Variants in GIPC3 observed in about 807,000 individuals in gnomAD.
GIPC3 encodes the protein GIPC PDZ domain containing family member 3.
GIPC3 carries 16 observed loss-of-function variants against 27.3 expected under a neutral mutation model. The observed-to-expected ratio is 0.59, with a 90% CI of 0.40 to 0.89. The LOEUF is 0.89. GIPC3 is among the 40% of genes least tolerant of loss of function. The pLI, the probability that GIPC3 is intolerant of heterozygous loss-of-function variation, is 0.00. For missense variants in GIPC3, 440 were observed against 442.1 expected (o/e 1.00, Z 0.04); for synonymous variants, 194 against 184.6 (o/e 1.05, Z -0.41).
In GIPC3 at chr19:3,591,474, C is replaced by T; in HGVS notation, c.*1284C>T. 2 of 1,232,548 alleles carry T rather than the reference C, an allele frequency of 1.6e-6. No individual in the cohort carries two copies. The highest frequency in any genetic ancestry group is 2.0e-6 in the Non-Finnish European group (2 of 988,390). 76.4% of individuals were successfully genotyped at this position (1,232,548 alleles called of 1,614,324 possible). A position where few individuals can be genotyped will look rare whatever the true frequency, so the allele number is the denominator to read the frequency against. ...TCTGGACAGCTCCACGATGCAGCCACACCTGGACACTCGGTCTAGCTCCGG... is the reference window on the plus strand; with the variant it reads ...TCTGGACAGCTCCACGATGCAGCCATACCTGGACACTCGGTCTAGCTCCGG... On this transcript the variant is annotated 3_prime_UTR_variant, in exon 6 of 6. Coordinates refer to ENST00000644452, the MANE Select transcript of GIPC3 (RefSeq NM_133261.3).
In GIPC3 at chr19:3,591,638, C is replaced by T; in HGVS notation, c.*1448C>T. The T allele has an allele frequency of 1.6e-6, 2 of 1,233,726 alleles. No individual in the cohort carries two copies. Among genetic ancestry groups the T allele is most frequent in the Non-Finnish European group, 2.0e-6 (2 of 989,314 alleles). 76.4% of individuals were successfully genotyped at this position (1,233,726 alleles called of 1,614,324 possible). ...AGACCAGCTCAGAAACCCAGGTCCA[C>T]ACGGCTGCCCAGTCCAGATCCCAAC... is the stretch of plus-strand genomic sequence containing the variant. On this transcript the variant is annotated 3_prime_UTR_variant, in exon 6 of 6. Transcript: ENST00000644452.
chr19:3,592,255 G>A lies in GIPC3; in HGVS notation c.*2065G>A. 1 of 1,232,180 alleles carries A rather than the reference G, an allele frequency of 8.1e-7. No individual in the cohort carries two copies. The highest frequency in any genetic ancestry group is 1.0e-6 in the Non-Finnish European group (1 of 988,066). 76.3% of individuals were successfully genotyped at this position (1,232,180 alleles called of 1,614,324 possible). A position where few individuals can be genotyped will look rare whatever the true frequency, so the allele number is the denominator to read the frequency against. On this transcript the variant is annotated 3_prime_UTR_variant, in exon 6 of 6. Coordinates refer to ENST00000644452, the MANE Select transcript of GIPC3 (RefSeq NM_133261.3). Reference sequence around the variant, plus strand: ...GCCTCTAAAACCCTGCCAGGTTCTAGATACCAGCTCCAGACCACAGCCCCA... The same window carrying A: ...GCCTCTAAAACCCTGCCAGGTTCTAAATACCAGCTCCAGACCACAGCCCCA...
intron 1 of GIPC3, 81 bp from the exon 2 acceptor site, chr19:3,586,414 G>C: frequency 7.7e-7 from 1 of 1,299,904 alleles, no homozygotes; most frequent in South Asian, 1.2e-5. Context: ...GGTCGCTGGG[G>C]GCAGGGGCCT....
At position 3,590,296 on chromosome 19, in the gene GIPC3, C is replaced by T. The variant is rs2032463652; in HGVS notation, c.*106C>T. On this transcript the variant is annotated 3_prime_UTR_variant, in exon 6 of 6. Coordinates refer to ENST00000644452, the MANE Select transcript of GIPC3 (RefSeq NM_133261.3). The stretch of plus-strand genomic sequence containing the variant: ...TCGGAGGACAAGTTCCTCTCTAGAA[C>T]CCAATCCAATTTGGAGCCCCAGCCC... 5.4e-6 allele frequency: 8 copies of T among 1,478,130 alleles called. No individual in the cohort carries two copies. The South Asian group carries it at 9.4e-5, about 17-fold the overall frequency. The allele number at this position is 1,478,130 out of a possible 1,614,324, so 91.6% of individuals were successfully genotyped here.
intron 3 of GIPC3, among the ~76,000 whole-genome samples, chr19:3,588,250 G>A (rs991544970): frequency 7.2e-5 from 11 of 151,782 alleles, no homozygotes; most frequent in African/African-American, 1.5e-4. Context: ...TGATCTGCCC[G>A]CCTCGGCCTC....
rs771115836 is a variant in GIPC3 at position 3,589,568 on chromosome 19, G to A, written c.705+13G>A. 23 of 1,600,148 alleles carry A rather than the reference G, an allele frequency of 1.4e-5. No individual in the cohort carries two copies. In the Admixed American group the frequency reaches 3.0e-4, roughly 21 times the overall value. On this transcript the variant is annotated intron_variant, in intron 4 of 5. Coordinates refer to ENST00000644452, the MANE Select transcript of GIPC3 (RefSeq NM_133261.3). ...AGTGGAGGAAGCGGTGAGTGAAGGG[G>A]AGGGGCTCTCCCCAGGCTTCTGCAC... is the stretch of plus-strand genomic sequence containing the variant.
intron 3 of GIPC3, among the ~76,000 whole-genome samples, chr19:3,588,652 A>AC (rs1165683424): frequency 5.3e-5 from 8 of 151,510 alleles, no homozygotes; most frequent in African/African-American, 1.9e-4. Context: ...AAAAAAAAAA[A>AC]AAAAAAACCT....
In GIPC3 at chr19:3,585,621, G is replaced by C. The variant is rs1228449669; in HGVS notation, c.24G>C (p.Glu8Asp). The change falls in exon 1 of 6, where the codon GAG becomes GAC. Residue 8 changes from glutamate (E) to aspartate (D), a missense_variant. By Grantham distance (45) the Glu-to-Asp change is conservative. Transcript: ENST00000644452. ...CCATGGAGGGAGCAGCGGCCCGGGA[G>C]GCCCGGGGGACCGAGACCCCGCGCG... The part of the protein sequence containing the change: MEGAAAR[E>D]ARGTETPRAS... 8.6e-7 allele frequency: 1 copy of C among 1,168,288 alleles called. No individual in the cohort carries two copies. The highest frequency in any genetic ancestry group is 1.6e-5 in the African/African-American group (1 of 61,732). The allele number at this position is 1,168,288 out of a possible 1,614,324, so 72.4% of individuals were successfully genotyped here. A position where few individuals can be genotyped will look rare whatever the true frequency, so the allele number is the denominator to read the frequency against.
In GIPC3 at chr19:3,592,314, C is replaced by T. The variant is rs746238944; in HGVS notation, c.*2124C>T. ...TGGTATTCAACTGGACTTTGGGAAG[C>T]AGAGCAGTTCTGAAAGTCAGCTTAG... On this transcript the variant is annotated 3_prime_UTR_variant, in exon 6 of 6. Transcript: ENST00000644452. 8.4e-5 allele frequency: 103 copies of T among 1,231,968 alleles called. No homozygotes were observed. Among genetic ancestry groups the T allele is most frequent in the Non-Finnish European group, 9.9e-5 (98 of 987,980 alleles). 76.3% of individuals were successfully genotyped at this position (1,231,968 alleles called of 1,614,324 possible). A position where few individuals can be genotyped will look rare whatever the true frequency, so the allele number is the denominator to read the frequency against.
At position 3,589,924 on chromosome 19, in the gene GIPC3, G is replaced by C; in HGVS notation, c.787+12G>C. 6.2e-7 allele frequency: 1 copy of C among 1,613,796 alleles called. No homozygotes were observed. Among genetic ancestry groups the C allele is most frequent in the Non-Finnish European group, 8.5e-7 (1 of 1,180,018 alleles). Reference sequence around the variant, plus strand: ...GGACCCCGAGCTGGGTAAGGGGCCAGGGTAAGCCAGGGGGCCCTGGGGGGA... The same window carrying C: ...GGACCCCGAGCTGGGTAAGGGGCCACGGTAAGCCAGGGGGCCCTGGGGGGA... On this transcript the variant is annotated intron_variant, in intron 5 of 5. Coordinates refer to ENST00000644452, the MANE Select transcript of GIPC3 (RefSeq NM_133261.3).
rs776707479 is a variant in GIPC3 at position 3,586,517 on chromosome 19, G to A, written c.248G>A (p.Ser83Asn). 7.4e-6 allele frequency: 12 copies of A among 1,613,826 alleles called. No homozygotes were observed. The Admixed American group carries it at 1.7e-4, about 22-fold the overall frequency. Residue 83 changes from serine (S) to asparagine (N), a missense_variant, in exon 2 of 6, where the codon AGC becomes AAC. Ser to Asn is a conservative substitution (Grantham distance 46). Coordinates refer to ENST00000644452, the MANE Select transcript of GIPC3 (RefSeq NM_133261.3). ...AAGATTTTATTCTGCACCCTCAACA[G>A]CCACAAAGTGGACATGCAGAAGCTC... ...PTEILFCTLN[S>N]HKVDMQKLLG...
In GIPC3 at chr19:3,585,754, G is replaced by C. The variant is rs374498818; in HGVS notation, c.157G>C (p.Glu53Gln). 7 of 1,546,074 alleles carry C rather than the reference G, an allele frequency of 4.5e-6. No homozygotes were observed. The highest frequency in any genetic ancestry group is 5.2e-6 in the Non-Finnish European group (6 of 1,145,540). ...GCACGGGAGCCCCACGGGCAAGATC[G>C]AGGGCTTCACCAACGTCCGCGAGCT... ...LAHGSPTGKIEGFTNVRELYA... is the reference protein window; with the variant it reads ...LAHGSPTGKIQGFTNVRELYA... The change falls in exon 1 of 6, where the codon GAG becomes CAG. Residue 53 changes from glutamate (E) to glutamine (Q), a missense_variant. Transcript: ENST00000644452.
rs368944411 is a variant in GIPC3 at position 3,590,205 on chromosome 19, G to A, written c.*15G>A. On this transcript the variant is annotated 3_prime_UTR_variant, in exon 6 of 6. Transcript: ENST00000644452. ...CCTGTGGCTAGTTTGCCCTGGGGGG[G>A]CCCAGCACAGCCCCAGCCCGGAGCC... 3.6e-4 allele frequency: 562 copies of A among 1,574,412 alleles called. 2 individuals carry two copies. The highest frequency in any genetic ancestry group is 8.3e-4 in the Middle Eastern group (4 of 4,818).
At chr19:3,585,890 C>G in intron 1 of GIPC3, 68 bp downstream of exon 1, 1 of 1,503,808 alleles carries the variant, frequency 6.6e-7, no homozygotes. Flanking sequence ...GAGCTTGGAC[C>G]CTGGACGGGA....
rs1430538530 is a variant in GIPC3 at position 3,586,982 on chromosome 19, A to G, written c.580A>G (p.Lys194Glu). ...QPFTLRLVQP[K>E]RAFDMIGQRS... The stretch of plus-strand genomic sequence containing the variant: ...CTTCACCCTGCGCCTGGTGCAGCCC[A>G]AGAGGGCCTTCGGTGAGGCGGGTGG... The change falls in exon 3 of 6, where the codon AAG becomes GAG. Residue 194 changes from lysine to glutamate, a missense_variant. Transcript: ENST00000644452. The G allele has an allele frequency of 6.2e-7, 1 of 1,612,396 alleles. No homozygotes were observed. Among genetic ancestry groups the G allele is most frequent in the East Asian group, 2.2e-5 (1 of 44,868 alleles).
rs1277322410 is a variant in GIPC3 at position 3,593,067 on chromosome 19, C to T, written c.*2877C>T. On this transcript the variant is annotated 3_prime_UTR_variant, in exon 6 of 6. Transcript: ENST00000644452. ...CTTACCCCAAGCCTCCTACCTGGCC[C>T]CACAGTCACAGGTCTCCTCAACCCC... 3 of 1,232,406 alleles carry T rather than the reference C, an allele frequency of 2.4e-6. No individual in the cohort carries two copies. In the African/African-American group the frequency reaches 4.7e-5, roughly 19 times the overall value. The allele number at this position is 1,232,406 out of a possible 1,614,324, so 76.3% of individuals were successfully genotyped here.
At chr19:3,589,576 C>G in intron 4 of GIPC3, 21 bp downstream of exon 4, 1 of 1,582,362 alleles carries the variant, frequency 6.3e-7, no homozygotes, top group Non-Finnish European at 8.7e-7. Context: ...GGGAGGGGCT[C>G]TCCCCAGGCT....
chr19:3,592,833 A>G lies in GIPC3; in HGVS notation c.*2643A>G. ...TTCCAGAACTCACACCAGTTCAAGA[A>G]TCTGGCTGAGCCCTGGAAATGGAAT... On this transcript the variant is annotated 3_prime_UTR_variant, in exon 6 of 6. Coordinates refer to ENST00000644452, the MANE Select transcript of GIPC3 (RefSeq NM_133261.3). 1 of 1,232,102 alleles carries G rather than the reference A, an allele frequency of 8.1e-7. No individual in the cohort carries two copies. Among genetic ancestry groups the G allele is most frequent in the Non-Finnish European group, 1.0e-6 (1 of 987,994 alleles). 76.3% of individuals were successfully genotyped at this position (1,232,102 alleles called of 1,614,324 possible).
Position 3,585,677 on chromosome 19 carries a change from C to A in GIPC3, c.80C>A (p.Pro27His). Residue 27 changes from proline (P) to histidine (H), a missense_variant, in exon 1 of 6, where the codon CCC (proline) becomes CAC (histidine). Physicochemically the swap from Pro to His is moderately conservative, Grantham distance 77 (BLOSUM62 -2). Transcript: ENST00000644452. ...ASAPPPAPSE[P>H]PAAPRARPRL... Reference sequence around the variant, plus strand: ...GCGCCCCCGCCCGCGCCCTCGGAGCCCCCGGCCGCGCCCCGCGCCCGCCCG... The same window carrying A: ...GCGCCCCCGCCCGCGCCCTCGGAGCACCCGGCCGCGCCCCGCGCCCGCCCG... 1 of 1,356,560 alleles carries A rather than the reference C, an allele frequency of 7.4e-7. No homozygotes were observed. The allele number at this position is 1,356,560 out of a possible 1,614,324, so 84.0% of individuals were successfully genotyped here.
Sources: allele counts gnomAD v4.1 joint callset (sites outside exome capture counted in the v4.1 genomes callset), GRCh38; gene constraint gnomAD v4.1.1; transcripts MANE v1.5; gene names NCBI Gene and HGNC (gene_info 2026-07-23, HGNC 2026-07-21).